The following KIAA1671 variants were observed in gnomAD, a reference collection of about 807,000 sequenced individuals.
KIAA1671 encodes uncharacterized protein KIAA1671.
KIAA1671 carries 52 observed loss-of-function variants against 131.2 expected under a neutral mutation model. The observed-to-expected ratio is 0.40, with a 90% CI of 0.32 to 0.50. The LOEUF (loss-of-function observed/expected upper bound fraction) is 0.50. Among genes scored for constraint, KIAA1671 ranks in the 20% least tolerant of loss-of-function variants. The pLI, the probability that KIAA1671 is intolerant of heterozygous loss-of-function variation, is 0.73. For synonymous variants in KIAA1671, 1,003 were observed against 961.6 expected (o/e 1.04, Z -0.80); for missense variants, 2,360 against 2,364.2 (o/e 1.00, Z 0.04).
intron 6 of KIAA1671, among the ~76,000 whole-genome samples, chr22:25,160,422 G>T (rs925723416): frequency 6.6e-6 from 1 of 152,124 alleles, no homozygotes; most frequent in Non-Finnish European, 1.5e-5. Context: ...CTCTGCGCCC[G>T]TCTCCGTGCT....
intron 5 of KIAA1671, among the ~76,000 whole-genome samples, chr22:25,047,277 A>T (rs1927297609): frequency 6.7e-6 from 1 of 149,780 alleles, no homozygotes; most frequent in African/African-American, 2.5e-5. Context: ...CAGCCTCCCG[A>T]GTTGCAAGGA....
chr22:25,075,009 C>A (rs1000366887), intron 6 of KIAA1671, among the ~76,000 whole-genome samples: 1 of 152,080 alleles, frequency 6.6e-6, no homozygotes, highest in African/African-American at 2.4e-5. Flanking sequence ...AGCGGGAGTT[C>A]CTGTATACCC....
At chr22:24,984,806 C>T (rs763704687) in intron 1 of KIAA1671, among the ~76,000 whole-genome samples, 4 of 148,452 alleles carry the variant, frequency 2.7e-5, no homozygotes, top group Non-Finnish European at 4.4e-5. Flanking sequence ...CCCAGCTACT[C>T]GGGAAGCTGA....
intron 1 of KIAA1671, among the ~76,000 whole-genome samples, chr22:25,008,960 G>A (rs1236291099): frequency 4.6e-5 from 7 of 152,234 alleles, no homozygotes; most frequent in Non-Finnish European, 8.8e-5. Context: ...TGTGGGAGGA[G>A]GAGGAGCCAG....
chr22:25,108,636 A>G (rs1931156928), intron 6 of KIAA1671, among the ~76,000 whole-genome samples: 8 of 152,210 alleles, frequency 5.3e-5, no homozygotes, highest in Admixed American at 5.2e-4. Context: ...CCTCACCTGC[A>G]TGGTGGAGTA....
chr22:25,122,192 C>T (rs887324267), intron 6 of KIAA1671, among the ~76,000 whole-genome samples: 22 of 152,122 alleles, frequency 1.4e-4, no homozygotes, highest in African/African-American at 4.8e-4. Flanking sequence ...AGGCGGGGCT[C>T]GGGCACCGGA....
chr22:25,034,567 A>G (rs1224578471), intron 4 of KIAA1671, among the ~76,000 whole-genome samples: 1 of 151,390 alleles, frequency 6.6e-6, no homozygotes, highest in Non-Finnish European at 1.5e-5. Context: ...CTAGTATTCT[A>G]TTTGTGTGAG....
At chr22:25,084,634 G>C (rs1451745344) in intron 6 of KIAA1671, among the ~76,000 whole-genome samples, 1 of 152,196 alleles carries the variant, frequency 6.6e-6, no homozygotes, top group Non-Finnish European at 1.5e-5. Context: ...ACCAACCACT[G>C]TTCATTATGT....
chr22:25,036,497 T>C lies in KIAA1671; in HGVS notation c.1630-2263T>C, dbSNP rs374982965. ...TACAAAATTTACAAAGTTTCAAAAA[T>C]TCGGTCTTTCTAATATATATATAAA... On this transcript the variant is annotated intron_variant, in intron 4 of 12. Transcript: ENST00000358431. Among the ~76,000 whole-genome samples, 295 of 152,300 alleles carry C rather than the reference T, an allele frequency of 1.9e-3. 7 individuals carry two copies. In the South Asian group the frequency reaches 0.04, roughly 21 times the overall value.
chr22:25,112,596 G>A, intron 6 of KIAA1671: 1 of 392,726 alleles, frequency 2.5e-6, no homozygotes, highest in Admixed American at 4.4e-5. Context: ...TCAAAGCCCA[G>A]GCACTTCCTG....
chr22:25,085,779 G>A (rs966181841), intron 6 of KIAA1671, among the ~76,000 whole-genome samples: 7 of 87,226 alleles, frequency 8.0e-5, no homozygotes, highest in Non-Finnish European at 1.0e-4. Flanking sequence ...GGAAGGAAGG[G>A]AGGAAGGGAG....
intron 6 of KIAA1671, among the ~76,000 whole-genome samples, chr22:25,130,420 A>G (rs1932390165): frequency 6.6e-6 from 1 of 152,196 alleles, no homozygotes; most frequent in South Asian, 2.1e-4. Flanking sequence ...ATCGTATTTG[A>G]TCCCAAACCT....
chr22:25,129,364 G>A (rs1448921953), intron 6 of KIAA1671, among the ~76,000 whole-genome samples: 2 of 151,950 alleles, frequency 1.3e-5, no homozygotes, highest in Non-Finnish European at 1.5e-5. Context: ...AAAATTAGCT[G>A]GGCATGGTGT....
rs1247665182 is a variant in KIAA1671 at position 25,194,200 on chromosome 22, A to C, written c.*1799A>C. Reference sequence around the variant, plus strand: ...GTGATTCTCCCACCTCAGCCTCCCAAGTAGCTGGGACTACAGGTGTATGCT... The same window carrying C: ...GTGATTCTCCCACCTCAGCCTCCCACGTAGCTGGGACTACAGGTGTATGCT... On this transcript the variant is annotated 3_prime_UTR_variant, in exon 13 of 13. Coordinates refer to ENST00000358431, the MANE Select transcript of KIAA1671 (RefSeq NM_001145206.2). The C allele has an allele frequency of 6.6e-6, 1 of 152,220 alleles. No homozygotes were observed. Among genetic ancestry groups the C allele is most frequent in the Non-Finnish European group, 1.5e-5 (1 of 68,096 alleles). 9.4% of individuals were successfully genotyped at this position (152,220 alleles called of 1,614,324 possible). A position where few individuals can be genotyped will look rare whatever the true frequency, so the allele number is the denominator to read the frequency against.
At chr22:25,170,690 C>T (rs1269821328) in intron 6 of KIAA1671, 130 bp from the exon 7 acceptor site, 3 of 832,884 alleles carry the variant, frequency 3.6e-6, no homozygotes, top group East Asian at 2.7e-5. Context: ...TCTGGCCCCA[C>T]TTAGGAAGGC....
intron 6 of KIAA1671, among the ~76,000 whole-genome samples, chr22:25,138,475 ATC>A (rs1932756638): frequency 6.6e-6 from 1 of 152,168 alleles, no homozygotes. Context: ...CATGATCTTT[ATC>A]AATTCATTTG....
chr22:25,041,021 G>C lies in KIAA1671; in HGVS notation c.3891G>C (p.Trp1297Cys), dbSNP rs1926894493. The C allele has an allele frequency of 2.0e-6, 3 of 1,488,986 alleles. No homozygotes were observed. Among genetic ancestry groups the C allele is most frequent in the Non-Finnish European group, 2.7e-6 (3 of 1,118,518 alleles). The allele number at this position is 1,488,986 out of a possible 1,614,324, so 92.2% of individuals were successfully genotyped here. A position where few individuals can be genotyped will look rare whatever the true frequency, so the allele number is the denominator to read the frequency against. ...GCACCAAATCTAGCCCTCCCTTCTG[G>C]GCTCTGCCACCCTCGGCTCCTTCTG... The part of the protein sequence containing the change: ...AMGTKSSPPF[W>C]ALPPSAPSER... Residue 1297 changes from tryptophan to cysteine, a missense_variant, in exon 5 of 13, where the codon TGG (tryptophan) becomes TGC (cysteine). Physicochemically the swap from Trp to Cys is radical, Grantham distance 215. Around this residue, in one of 3 missense-constraint regions of KIAA1671, gnomAD observed 1,161 missense variants for 1,204.7 expected, o/e 0.96. Coordinates refer to ENST00000358431, the MANE Select transcript of KIAA1671 (RefSeq NM_001145206.2).
chr22:25,157,581 GT>G, intron 6 of KIAA1671, among the ~76,000 whole-genome samples: 3 of 152,246 alleles, frequency 2.0e-5, no homozygotes, highest in Admixed American at 2.0e-4. Context: ...CCTTAGAACT[GT>G]AGAGCTTATA....
chr22:24,961,212 C>G (rs1922001090), intron 1 of KIAA1671, among the ~76,000 whole-genome samples: 1 of 152,106 alleles, frequency 6.6e-6, no homozygotes, highest in Non-Finnish European at 1.5e-5. Context: ...ATTACCCAGG[C>G]TAGTTTCAAA....
Sources: gnomAD v4.1 joint callset for allele counts (sites outside exome capture counted in the v4.1 genomes callset) on GRCh38, gnomAD v4.1.1 for gene constraint, gnomAD v4.1.1 regional missense constraint, MANE v1.5 for transcripts, NCBI Gene and HGNC (gene_info 2026-07-23, HGNC 2026-07-21) for gene names.